CYFIP2: variants seen among roughly 807,000 people sequenced by gnomAD.
The protein encoded by CYFIP2 is cytoplasmic FMR1 interacting protein 2.
A neutral mutation model predicts 158.7 loss-of-function variants in CYFIP2; 29 were observed. The observed-to-expected ratio is 0.18, with a 90% CI of 0.14 to 0.25. The LOEUF is 0.25. Ranked by LOEUF, CYFIP2 falls within the 10% of genes least tolerant of loss-of-function variation. CYFIP2 has a pLI of 1.00. For synonymous variants in CYFIP2, 585 were observed against 617.6 expected, an observed-to-expected ratio of 0.95 and a Z score of 0.78; for missense variants, 852 against 1,639.5, an observed-to-expected ratio of 0.52 and a Z score of 8.29.
chr5:157,320,850 C>T (rs1021462589), intron 15 of CYFIP2, 48 bp downstream of exon 15: 67 of 1,487,752 alleles, frequency 4.5e-5, no homozygotes, highest in Middle Eastern at 3.7e-4. Flanking sequence ...AGAGGCCAGC[C>T]GGGCTATGGT....
At chr5:157,377,347 ACTGTGGCCT>A (rs1192568430) in intron 26 of CYFIP2, among the ~76,000 whole-genome samples, 1 of 151,656 alleles carries the variant, frequency 6.6e-6, no homozygotes, top group East Asian at 1.9e-4. Flanking sequence ...GCCCTGCCCT[ACTGTGGCCT>A]CTTGCTTTGG....
At chr5:157,343,031 C>A in intron 23 of CYFIP2, 1 of 1,614,224 alleles carries the variant, frequency 6.2e-7, no homozygotes, top group Non-Finnish European at 8.5e-7. Flanking sequence ...CTCCCTCTGA[C>A]CAAGATCCGG....
intron 1 of CYFIP2, among the ~76,000 whole-genome samples, chr5:157,275,169 A>G (rs1756444762): frequency 6.6e-6 from 1 of 152,112 alleles, no homozygotes; most frequent in Admixed American, 6.5e-5. Flanking sequence ...CGTCCTTTGA[A>G]GCACAATTTT....
chr5:157,308,163 CT>C (rs35504183), intron 9 of CYFIP2, among the ~76,000 whole-genome samples: 25,139 of 145,200 alleles, frequency 0.17, 2,545 homozygotes, highest in Non-Finnish European at 0.24. Flanking sequence ...CTGAATGCTG[CT>C]TTTTTTTTTT....
At chr5:157,352,577 A>C (rs529129564) in intron 23 of CYFIP2, among the ~76,000 whole-genome samples, 1 of 152,222 alleles carries the variant, frequency 6.6e-6, no homozygotes, top group African/African-American at 2.4e-5. Context: ...GGAATTTCCT[A>C]TGCAGAATTT....
chr5:157,286,552 GTATATATATATA>G (rs34826918), intron 2 of CYFIP2, among the ~76,000 whole-genome samples: 172 of 138,132 alleles, frequency 1.2e-3, no homozygotes, highest in African/African-American at 4.5e-3. Context: ...GCTATTTTAT[GTATATATATATA>G]TATATATATA....
In CYFIP2 at chr5:157,393,243, G is replaced by A. The variant is rs1306340938; in HGVS notation, c.*243G>A. ...AAAAAAAGTAAACAGGGCAGTGTGT[G>A]CTTTTTCTTTTCTCCCCCCTCAACT... On this transcript the variant is annotated 3_prime_UTR_variant, in exon 31 of 31. Coordinates refer to ENST00000620254, the MANE Select transcript of CYFIP2 (RefSeq NM_001037333.3). The A allele has an allele frequency of 5.1e-6, 2 of 391,348 alleles. No individual in the cohort carries two copies. The highest frequency in any genetic ancestry group is 4.5e-6 in the Non-Finnish European group (1 of 221,088). 24.2% of individuals were successfully genotyped at this position (391,348 alleles called of 1,614,324 possible). A position where few individuals can be genotyped will look rare whatever the true frequency, so the allele number is the denominator to read the frequency against.
chr5:157,358,360 T>C (rs1367435390), intron 23 of CYFIP2, among the ~76,000 whole-genome samples: 1 of 152,218 alleles, frequency 6.6e-6, no homozygotes, highest in African/African-American at 2.4e-5. Context: ...CTGCTTCACA[T>C]ATGAAGTTCT....
intron 26 of CYFIP2, among the ~76,000 whole-genome samples, chr5:157,372,240 TCA>T (rs1284962848): frequency 6.6e-5 from 10 of 152,188 alleles, no homozygotes; most frequent in African/African-American, 2.4e-4. Context: ...TATAGGGGAA[TCA>T]CAATTCTGAG....
intron 13 of CYFIP2, among the ~76,000 whole-genome samples, chr5:157,319,506 C>T (rs893139196): frequency 6.6e-6 from 1 of 152,352 alleles, no homozygotes; most frequent in South Asian, 2.1e-4. Flanking sequence ...AAATCAGTTG[C>T]ATTGCGAAGA....
rs1767526120 is a variant in CYFIP2, at chr5:157,393,655, G to A, written c.*655G>A. 1 of 152,212 alleles carries A rather than the reference G, an allele frequency of 6.6e-6. No individual in the cohort carries two copies. Among genetic ancestry groups the A allele is most frequent in the African/African-American group, 2.4e-5 (1 of 41,320 alleles). The allele number at this position is 152,212 out of a possible 1,614,324, so 9.4% of individuals were successfully genotyped here. ...CACACTCTATGCAGGTGGGGTAGGA[G>A]ACTGATCAGGCCTGCTGTGGGGAAG... is the stretch of plus-strand genomic sequence containing the variant. On this transcript the variant is annotated 3_prime_UTR_variant, in exon 31 of 31. Coordinates refer to ENST00000620254, the MANE Select transcript of CYFIP2 (RefSeq NM_001037333.3).
At chr5:157,296,817 G>A (rs773449334) in intron 5 of CYFIP2, 43 bp downstream of exon 5, 7 of 1,517,924 alleles carry the variant, frequency 4.6e-6, no homozygotes, top group South Asian at 4.6e-5. Flanking sequence ...AACTGAAAAG[G>A]CCCCTAGTTT....
At chr5:157,329,690 A>T (rs764517829) in intron 19 of CYFIP2, among the ~76,000 whole-genome samples, 24 of 152,232 alleles carry the variant, frequency 1.6e-4, no homozygotes, top group Non-Finnish European at 3.5e-4. Flanking sequence ...CAATATAGAC[A>T]TTATTAGAGA....
At chr5:157,347,413 T>C (rs908275914) in intron 23 of CYFIP2, among the ~76,000 whole-genome samples, 1 of 152,092 alleles carries the variant, frequency 6.6e-6, no homozygotes, top group Non-Finnish European at 1.5e-5. Context: ...CAGTGTTCCT[T>C]GATCAGAAAG....
Position 157,311,164 on chromosome 5 carries a change from C to G in CYFIP2, c.993-500C>G, listed in dbSNP as rs1361136722. The G allele has an allele frequency of 6.7e-6, 3 of 448,770 alleles. No homozygotes were observed. Among genetic ancestry groups the G allele is most frequent in the Non-Finnish European group, 1.3e-5 (3 of 223,800 alleles). 27.8% of individuals were successfully genotyped at this position (448,770 alleles called of 1,614,324 possible). A position where few individuals can be genotyped will look rare whatever the true frequency, so the allele number is the denominator to read the frequency against. On this transcript the variant is annotated intron_variant, in intron 10 of 30. Coordinates refer to ENST00000620254, the MANE Select transcript of CYFIP2 (RefSeq NM_001037333.3). This position sits in a 1 kb window ranked among gnomAD's most constrained non-coding sequence, Gnocchi z 4.7. ...AGAGTGGCCCTGGCTTCTCCCACCA[C>G]AGTGTGCTTCCATGTTGCCAGGGCA... is the stretch of plus-strand genomic sequence containing the variant.
chr5:157,288,085 C>T (rs950241714), intron 3 of CYFIP2, among the ~76,000 whole-genome samples: 1 of 151,924 alleles, frequency 6.6e-6, no homozygotes, highest in African/African-American at 2.4e-5. Context: ...AGAGCAAGAC[C>T]CTATCTCAAA....
intron 21 of CYFIP2, among the ~76,000 whole-genome samples, chr5:157,336,535 C>A (rs184233422): frequency 6.6e-6 from 1 of 152,188 alleles, no homozygotes; most frequent in Non-Finnish European, 1.5e-5. Context: ...GTGTGACCTA[C>A]GAGGCCTCAC....
intron 6 of CYFIP2, among the ~76,000 whole-genome samples, chr5:157,301,210 C>G (rs370020851): frequency 6.6e-6 from 1 of 152,204 alleles, no homozygotes; most frequent in East Asian, 1.9e-4. Flanking sequence ...AAGATCATCA[C>G]AAAATGGTTA....
At chr5:157,276,581 G>T (rs865828569) in intron 1 of CYFIP2, among the ~76,000 whole-genome samples, 38 of 152,068 alleles carry the variant, frequency 2.5e-4, no homozygotes, top group Middle Eastern at 3.2e-3. Context: ...CATTTACATG[G>T]ACTAACTCAT....
Sources: gnomAD v4.1 joint callset for allele counts (sites outside exome capture counted in the v4.1 genomes callset) on GRCh38, gnomAD v4.1.1 for gene constraint, Gnocchi (gnomAD v3.1) non-coding constraint, MANE v1.5 for transcripts, NCBI Gene and HGNC (gene_info 2026-07-23, HGNC 2026-07-21) for gene names.